Variants in DPH6 observed in about 807,000 individuals in gnomAD.
DPH6 encodes the protein diphthine--ammonia ligase.
A neutral mutation model predicts 38.2 loss-of-function variants in DPH6; 33 were observed. That is an observed-to-expected ratio of 0.86 (90% CI 0.65 to 1.15). DPH6 has a LOEUF of 1.15. Among genes scored for constraint, DPH6 ranks in the 50% most tolerant of loss-of-function variants. DPH6 has a pLI of 0.00. For synonymous variants in DPH6, 108 were observed against 103.0 expected (o/e 1.05, Z -0.30); for missense variants, 325 against 320.0 (o/e 1.02, Z -0.12).
At chr15:35,485,586 C>T (rs2054386687) in intron 3 of DPH6, among the ~76,000 whole-genome samples, 1 of 152,128 alleles carries the variant, frequency 6.6e-6, no homozygotes, top group Non-Finnish European at 1.5e-5. Context: ...ATTGTTCTTC[C>T]ACCAAATCAC....
intron 3 of DPH6, among the ~76,000 whole-genome samples, chr15:35,273,525 A>AGTTGATAAGTGCT (rs2051837279): frequency 6.6e-6 from 1 of 152,236 alleles, no homozygotes; most frequent in Non-Finnish European, 1.5e-5. Flanking sequence ...AACTCAGTGC[A>AGTTGATAAGTGCT]GTTGATAAGA....
chr15:35,538,147 C>G, intron 3 of DPH6, 127 bp downstream of exon 3: 1 of 826,674 alleles, frequency 1.2e-6, no homozygotes, highest in Non-Finnish European at 1.7e-6. Context: ...CAAAAAAAGA[C>G]AAAATCCTTT....
At chr15:35,285,872 G>GTGTTTTTTTTTTTTTTTTTTT (rs1555391173) in intron 3 of DPH6, among the ~76,000 whole-genome samples, 4 of 52,794 alleles carry the variant, frequency 7.6e-5, no homozygotes, top group Non-Finnish European at 1.3e-4. Context: ...TTATCTTTGA[G>GTGTTTTTTTTTTTTTTTTTTT]TTTTTTTTTT....
intron 3 of DPH6, among the ~76,000 whole-genome samples, chr15:35,279,332 G>A (rs1414032415): frequency 6.6e-6 from 1 of 152,024 alleles, no homozygotes; most frequent in African/African-American, 2.4e-5. Flanking sequence ...TTAAGGCTTT[G>A]GGGGACTATT....
chr15:35,528,297 T>G (rs1239732801), intron 3 of DPH6, among the ~76,000 whole-genome samples: 2 of 152,084 alleles, frequency 1.3e-5, no homozygotes, highest in Admixed American at 1.3e-4. Flanking sequence ...TTCTATTCAA[T>G]CCTTTACCAG....
At chr15:35,524,872 T>C (rs1419296087) in intron 3 of DPH6, among the ~76,000 whole-genome samples, 2 of 152,140 alleles carry the variant, frequency 1.3e-5, no homozygotes, top group Non-Finnish European at 2.9e-5. Context: ...AACTATCAAA[T>C]AGTTATGTTA....
intron 6 of DPH6, among the ~76,000 whole-genome samples, chr15:35,409,721 G>A (rs1422510092): frequency 6.6e-6 from 1 of 151,808 alleles, no homozygotes; most frequent in Non-Finnish European, 1.5e-5. Flanking sequence ...TGGAGCTACA[G>A]AACAAATCAC....
intron 3 of DPH6, among the ~76,000 whole-genome samples, chr15:35,297,699 A>G (rs2052024523): frequency 6.6e-6 from 1 of 151,998 alleles, no homozygotes; most frequent in South Asian, 2.1e-4. Flanking sequence ...TTATATCTAT[A>G]GCTCTGACTT....
At chr15:35,185,535 T>C in the DPH6 span, among the ~76,000 whole-genome samples, 2 of 152,124 alleles carry the variant, frequency 1.3e-5, no homozygotes, top group African/African-American at 4.8e-5. Context: ...ACAGAGTTGT[T>C]GTTTTTCAGT....
chr15:35,426,630 C>G (rs1252286307), intron 5 of DPH6, among the ~76,000 whole-genome samples: 3 of 151,702 alleles, frequency 2.0e-5, no homozygotes, highest in Non-Finnish European at 4.4e-5. Flanking sequence ...CTGCACAATT[C>G]AAGCTCATGT....
chr15:35,274,959 G>A (rs1402282752), intron 3 of DPH6, among the ~76,000 whole-genome samples: 2 of 151,552 alleles, frequency 1.3e-5, no homozygotes, highest in Non-Finnish European at 2.9e-5. Flanking sequence ...CTGTCCCCCA[G>A]TCTGGAGTGC....
chr15:35,361,837 TTTCA>T (rs1320155808), intron 3 of DPH6, among the ~76,000 whole-genome samples: 3 of 151,910 alleles, frequency 2.0e-5, no homozygotes, highest in African/African-American at 4.8e-5. Context: ...ATTTTCCTGA[TTTCA>T]TTTAGTTGTT....
At chr15:35,292,795 T>C (rs966013366) in intron 3 of DPH6, among the ~76,000 whole-genome samples, 2 of 152,212 alleles carry the variant, frequency 1.3e-5, no homozygotes, top group Non-Finnish European at 2.9e-5. Context: ...TTTTTTGAGA[T>C]GGCTTTTGAA....
At chr15:35,298,845 CTG>C in intron 3 of DPH6, 1 of 1,053,636 alleles carries the variant, frequency 9.5e-7, no homozygotes, top group Middle Eastern at 2.8e-4. Flanking sequence ...TTTTGGAAGA[CTG>C]TGATCGAGGT....
At chr15:35,176,724 G>A in the DPH6 span, among the ~76,000 whole-genome samples, 5,573 of 152,238 alleles carry the variant, frequency 0.037, 111 homozygotes, top group Middle Eastern at 0.048. Flanking sequence ...GCCCGCCTTG[G>A]CCTCCCAAAG....
chr15:35,495,485 A>C (rs1193262547), intron 3 of DPH6, among the ~76,000 whole-genome samples: 1 of 152,180 alleles, frequency 6.6e-6, no homozygotes, highest in Non-Finnish European at 1.5e-5. Flanking sequence ...CTAGCAAATA[A>C]TACATACCGG....
chr15:35,539,884 T>G (rs187514311), intron 2 of DPH6, among the ~76,000 whole-genome samples: 89 of 152,182 alleles, frequency 5.8e-4, no homozygotes, highest in African/African-American at 1.9e-3. Flanking sequence ...ATTGGCTTCC[T>G]TCAGAATATT....
chr15:35,230,082 C>T (rs1039209874), intron 3 of DPH6, among the ~76,000 whole-genome samples: 2 of 152,218 alleles, frequency 1.3e-5, no homozygotes, highest in African/African-American at 2.4e-5. Context: ...GCTCTACAAT[C>T]AGGACTGTGT....
At chr15:35,245,466 C>A (rs1266666122) in intron 3 of DPH6, among the ~76,000 whole-genome samples, 2 of 152,110 alleles carry the variant, frequency 1.3e-5, no homozygotes, top group Non-Finnish European at 2.9e-5. Context: ...TCTCGATCTC[C>A]TGACCTTGTG....
Sources: gnomAD v4.1 joint callset for allele counts (sites outside exome capture counted in the v4.1 genomes callset) on GRCh38, gnomAD v4.1.1 for gene constraint, MANE v1.5 for transcripts, NCBI Gene and HGNC (gene_info 2026-07-23, HGNC 2026-07-21) for gene names.